The following POTEC variants were observed in gnomAD, a reference collection of about 807,000 sequenced individuals.
POTEC encodes the protein POTE ankyrin domain family member C.
Under a neutral mutation model 62.0 loss-of-function variants are expected in POTEC, and 35 were observed. That is an observed-to-expected ratio of 0.56 (90% CI 0.43 to 0.75). The LOEUF is 0.75. Ranked by LOEUF, POTEC falls within the 30% of genes least tolerant of loss-of-function variation. POTEC has a pLI of 0.00. For synonymous variants in POTEC, 156 were observed against 221.5 expected, an observed-to-expected ratio of 0.70 and a Z score of 2.62; for missense variants, 472 against 655.9, an observed-to-expected ratio of 0.72 and a Z score of 3.06.
chr18:14,537,219 AAAAAAAC>A (rs1379719655), intron 3 of POTEC, among the ~76,000 whole-genome samples: 78 of 135,648 alleles, frequency 5.8e-4, no homozygotes, highest in African/African-American at 1.0e-3. Context: ...ACAAAAAAAA[AAAAAAAC>A]AAAAAAAAAC....
At position 14,508,769 on chromosome 18, in the gene POTEC, T is replaced by G. The variant is rs185436200; in HGVS notation, c.*3129A>C. The G allele has an allele frequency of 1.3e-5, 2 of 152,600 alleles. No homozygotes were observed. The highest frequency in any genetic ancestry group is 4.8e-5 in the African/African-American group (2 of 41,428). 9.5% of individuals were successfully genotyped at this position (152,600 alleles called of 1,614,324 possible). Reference sequence around the variant, plus strand: ...CCAGTTCTGAACACTTGCTGGAGAGTTGATGCAGTCATTTGGAGAAAAGAA... The same window carrying G: ...CCAGTTCTGAACACTTGCTGGAGAGGTGATGCAGTCATTTGGAGAAAAGAA... On this transcript the variant is annotated 3_prime_UTR_variant, in exon 11 of 11. Coordinates refer to ENST00000358970, the MANE Select transcript of POTEC (RefSeq NM_001137671.2).
intron 5 of POTEC, among the ~76,000 whole-genome samples, chr18:14,532,450 A>G (rs147221162): frequency 0.02 from 3,084 of 152,262 alleles, 101 homozygotes; most frequent in African/African-American, 0.07. Context: ...ATGAATCCCC[A>G]TGAAGACTTG....
chr18:14,537,869 G>C lies in POTEC; in HGVS notation c.742C>G (p.His248Asp). 1 of 1,612,120 alleles carries C rather than the reference G, an allele frequency of 6.2e-7. No homozygotes were observed. The highest frequency in any genetic ancestry group is 8.5e-7 in the Non-Finnish European group (1 of 1,179,740). Residue 248 changes from histidine (H) to aspartate (D), a missense_variant, in exon 3 of 11, where the codon CAC becomes GAC. By Grantham distance (81) the His-to-Asp change is moderately conservative. Coordinates refer to ENST00000358970, the MANE Select transcript of POTEC (RefSeq NM_001137671.2). ...YGNTTLHYAV[H>D]NEDKLMAKAL... The stretch of plus-strand genomic sequence containing the variant: ...TTGGCCATTAATTTATCTTCATTGT[G>C]GACAGCATAGTGTAGAGTGGTATTT...
chr18:14,540,793 A>G (rs1184968904), intron 1 of POTEC, among the ~76,000 whole-genome samples: 1 of 152,234 alleles, frequency 6.6e-6, no homozygotes, highest in Non-Finnish European at 1.5e-5. Flanking sequence ...CAGCAACTTA[A>G]ACTTTCAGCA....
chr18:14,541,660 C>T (rs1247283062), intron 1 of POTEC, among the ~76,000 whole-genome samples: 1 of 152,036 alleles, frequency 6.6e-6, no homozygotes, highest in East Asian at 1.9e-4. Context: ...TAAATATTTG[C>T]ACATATAAAT....
At chr18:14,538,037 C>T in intron 2 of POTEC, 63 bp from the exon 3 acceptor site, 3 of 1,592,790 alleles carry the variant, frequency 1.9e-6, no homozygotes, top group Non-Finnish European at 2.6e-6. Flanking sequence ...CATTCCACAG[C>T]TTTCACCAAC....
At chr18:14,541,314 T>C (rs1905924777) in intron 1 of POTEC, among the ~76,000 whole-genome samples, 1 of 152,222 alleles carries the variant, frequency 6.6e-6, no homozygotes. Flanking sequence ...TGCAAAAAAG[T>C]ACCTTGCCCA....
rs1910000787 is a variant in POTEC at position 14,511,303 on chromosome 18, G to T, written c.*595C>A. The T allele has an allele frequency of 1.1e-5, 2 of 185,504 alleles. No individual in the cohort carries two copies. Among genetic ancestry groups the T allele is most frequent in the Non-Finnish European group, 1.1e-5 (1 of 89,400 alleles). The allele number at this position is 185,504 out of a possible 1,614,324, so 11.5% of individuals were successfully genotyped here. Reference sequence around the variant, plus strand: ...CTGCTTACAGAAGCATTCTGGACATGATTTGGTAAAGCAGCTGTGCTATGC... The same window carrying T: ...CTGCTTACAGAAGCATTCTGGACATTATTTGGTAAAGCAGCTGTGCTATGC... On this transcript the variant is annotated 3_prime_UTR_variant, in exon 11 of 11. Coordinates refer to ENST00000358970, the MANE Select transcript of POTEC (RefSeq NM_001137671.2).
At position 14,509,633 on chromosome 18, in the gene POTEC, C is replaced by T. The variant is rs908336542; in HGVS notation, c.*2265G>A. 5.3e-5 allele frequency: 8 copies of T among 151,988 alleles called. No individual in the cohort carries two copies. The highest frequency in any genetic ancestry group is 2.1e-4 in the South Asian group (1 of 4,806). 9.4% of individuals were successfully genotyped at this position (151,988 alleles called of 1,614,324 possible). On this transcript the variant is annotated 3_prime_UTR_variant, in exon 11 of 11. Coordinates refer to ENST00000358970, the MANE Select transcript of POTEC (RefSeq NM_001137671.2). The stretch of plus-strand genomic sequence containing the variant: ...GCTGCAGCTCTCCACTGATCAGGCA[C>T]GGTCCGCTTGTACAGAAGCTATGGT...
chr18:14,514,557 A>C (rs1410239590), intron 9 of POTEC, among the ~76,000 whole-genome samples: 5 of 152,360 alleles, frequency 3.3e-5, no homozygotes, highest in Admixed American at 2.6e-4. Flanking sequence ...TTGGAACAAG[A>C]CAGGGTCTAA....
At chr18:14,535,902 A>G (rs1472883880) in intron 3 of POTEC, among the ~76,000 whole-genome samples, 4 of 152,074 alleles carry the variant, frequency 2.6e-5, no homozygotes. Flanking sequence ...GATGGTAGAA[A>G]GGAAAAGCTA....
chr18:14,528,130 C>T (rs1225267419), intron 6 of POTEC: 7 of 152,288 alleles, frequency 4.6e-5, no homozygotes, highest in Non-Finnish European at 1.0e-4. Context: ...ATGACAGAGA[C>T]CACATAGTCT....
intron 6 of POTEC, 43 bp downstream of exon 6, chr18:14,530,440 T>C (rs1344058706): frequency 1.9e-6 from 3 of 1,600,568 alleles, no homozygotes; most frequent in Admixed American, 1.7e-5. Context: ...CCAAAAACAT[T>C]GTGGACAACT....
At chr18:14,523,981 T>C (rs549484185) in intron 7 of POTEC, among the ~76,000 whole-genome samples, 4 of 152,134 alleles carry the variant, frequency 2.6e-5, no homozygotes, top group African/African-American at 7.2e-5. Context: ...AGATTCCTAA[T>C]TGGATTGTAG....
In POTEC at chr18:14,511,837, A is replaced by T. The variant is rs1910014334; in HGVS notation, c.*61T>A. 1 of 1,368,384 alleles carries T rather than the reference A, an allele frequency of 7.3e-7. No homozygotes were observed. Among genetic ancestry groups the T allele is most frequent in the Non-Finnish European group, 1.0e-6 (1 of 959,642 alleles). The allele number at this position is 1,368,384 out of a possible 1,614,324, so 84.8% of individuals were successfully genotyped here. A position where few individuals can be genotyped will look rare whatever the true frequency, so the allele number is the denominator to read the frequency against. On this transcript the variant is annotated 3_prime_UTR_variant, in exon 11 of 11. Coordinates refer to ENST00000358970, the MANE Select transcript of POTEC (RefSeq NM_001137671.2). ...TAGAAGTTTATCAGTCTTTTCTTTC[A>T]CACTTTCAATTTCCTCCAAAATTTT...
chr18:14,514,865 T>C (rs1910106878), intron 9 of POTEC, among the ~76,000 whole-genome samples: 1 of 152,080 alleles, frequency 6.6e-6, no homozygotes, highest in African/African-American at 2.4e-5. Flanking sequence ...TCTCAGAGGT[T>C]ACAAAATATA....
At chr18:14,541,569 C>T (rs905694243) in intron 1 of POTEC, among the ~76,000 whole-genome samples, 3 of 152,088 alleles carry the variant, frequency 2.0e-5, no homozygotes, top group Admixed American at 6.6e-5. Context: ...GAACCAGGAA[C>T]CAGAGGTTGT....
Position 14,511,808 on chromosome 18 carries a change from C to T in POTEC, c.*90G>A, listed in dbSNP as rs1350181450. ...AATGCTTCTTCATTCAATTGCATAGCCCTTAGAAGTTTATCAGTCTTTTCT... is the reference window on the plus strand; with the variant it reads ...AATGCTTCTTCATTCAATTGCATAGTCCTTAGAAGTTTATCAGTCTTTTCT... On this transcript the variant is annotated 3_prime_UTR_variant, in exon 11 of 11. Coordinates refer to ENST00000358970, the MANE Select transcript of POTEC (RefSeq NM_001137671.2). The T allele has an allele frequency of 7.9e-7, 1 of 1,264,004 alleles. No homozygotes were observed. The highest frequency in any genetic ancestry group is 1.9e-4 in the Middle Eastern group (1 of 5,346). 78.3% of individuals were successfully genotyped at this position (1,264,004 alleles called of 1,614,324 possible).
rs1044959013 is a variant in POTEC at position 14,523,400 on chromosome 18, C to T, written c.1242+63G>A. The T allele has an allele frequency of 3.6e-6, 5 of 1,377,066 alleles. No individual in the cohort carries two copies. In the Admixed American group the frequency reaches 9.8e-5, roughly 27 times the overall value. The allele number at this position is 1,377,066 out of a possible 1,614,324, so 85.3% of individuals were successfully genotyped here. A position where few individuals can be genotyped will look rare whatever the true frequency, so the allele number is the denominator to read the frequency against. On this transcript the variant is annotated intron_variant, in intron 8 of 10. Transcript: ENST00000358970. ...ATCATGTATGCCTACACTTACTACA[C>T]TTTGTTAAACAGCATAACATAAAAA...
Sources: allele counts gnomAD v4.1 joint callset (sites outside exome capture counted in the v4.1 genomes callset), GRCh38; gene constraint gnomAD v4.1.1; transcripts MANE v1.5; gene names NCBI Gene and HGNC (gene_info 2026-07-23, HGNC 2026-07-21).